MEIKIN: variants seen among roughly 807,000 people sequenced by gnomAD.
MEIKIN encodes meiosis-specific kinetochore protein.
chr5:131,885,484 G>A (rs2149631282), intron 8 of MEIKIN, among the ~76,000 whole-genome samples: 1 of 151,102 alleles, frequency 6.6e-6, no homozygotes, highest in Admixed American at 6.6e-5. Flanking sequence ...GTCTCTGCCT[G>A]GTAATCCAGA....
intron 3 of MEIKIN, 43 bp downstream of exon 3, chr5:131,944,622 C>T: frequency 2.5e-6 from 1 of 399,028 alleles, no homozygotes; most frequent in Non-Finnish European, 4.4e-6. Context: ...CTGATAGTCT[C>T]TACACTAAGT....
chr5:131,839,289 G>A, intron 11 of MEIKIN, among the ~76,000 whole-genome samples: 1 of 152,152 alleles, frequency 6.6e-6, no homozygotes, highest in Non-Finnish European at 1.5e-5. Context: ...ATCAATTTTA[G>A]AGTATGTGAC....
chr5:131,933,409 G>A (rs1437042222), intron 5 of MEIKIN, 104 bp downstream of exon 5: 2 of 383,730 alleles, frequency 5.2e-6, no homozygotes, highest in South Asian at 1.5e-4. Flanking sequence ...TGGTGAGGAA[G>A]AGGAGTATGC....
chr5:131,904,503 A>T (rs983535287), intron 8 of MEIKIN, among the ~76,000 whole-genome samples: 3 of 152,240 alleles, frequency 2.0e-5, no homozygotes, highest in African/African-American at 4.8e-5. Context: ...ATAACTGCTA[A>T]GAAAATTGCT....
chr5:131,906,978 C>T (rs1454538587), intron 8 of MEIKIN, among the ~76,000 whole-genome samples: 1 of 151,980 alleles, frequency 6.6e-6, no homozygotes, highest in Admixed American at 6.6e-5. Context: ...AATTTATCTA[C>T]ATAACAAATT....
chr5:131,808,866 AGGAGTACGAG>A (rs1318441717), intron 12 of MEIKIN, among the ~76,000 whole-genome samples: 2 of 152,148 alleles, frequency 1.3e-5, no homozygotes, highest in African/African-American at 2.4e-5. Flanking sequence ...GCTTGAGCCC[AGGAGTACGAG>A]ATCAGCCTGG....
intron 8 of MEIKIN, among the ~76,000 whole-genome samples, chr5:131,910,357 GATCT>G: frequency 6.6e-6 from 1 of 152,164 alleles, no homozygotes; most frequent in Admixed American, 6.5e-5. Context: ...TTATTTGTGG[GATCT>G]AAAACAAAAA....
At position 131,916,867 on chromosome 5, in the gene MEIKIN, T is replaced by C; in HGVS notation, c.638+19A>G. On this transcript the variant is annotated intron_variant, in intron 7 of 12. Transcript: ENST00000442687. The stretch of plus-strand genomic sequence containing the variant: ...CAGGGTTTCAGAAGCTCAACAATTT[T>C]AAAATTTTTAGTTCTTACGTTTTTC... 2.5e-6 allele frequency: 1 copy of C among 397,190 alleles called. No individual in the cohort carries two copies. The highest frequency in any genetic ancestry group is 4.4e-6 in the Non-Finnish European group (1 of 224,990). The allele number at this position is 397,190 out of a possible 1,614,324, so 24.6% of individuals were successfully genotyped here.
intron 11 of MEIKIN, among the ~76,000 whole-genome samples, chr5:131,826,980 A>T (rs1749627285): frequency 6.6e-6 from 1 of 152,202 alleles, no homozygotes. Context: ...AAAGAAGTGA[A>T]ATGGAAAAAG....
At chr5:131,850,390 A>G (rs899631697) in intron 11 of MEIKIN, among the ~76,000 whole-genome samples, 2 of 152,208 alleles carry the variant, frequency 1.3e-5, no homozygotes, top group African/African-American at 2.4e-5. Context: ...AAAATGAAAA[A>G]GAAGAACAAA....
At chr5:131,885,337 CTGAA>C (rs1441947730) in intron 8 of MEIKIN, among the ~76,000 whole-genome samples, 14 of 116,536 alleles carry the variant, frequency 1.2e-4, no homozygotes, top group South Asian at 2.9e-4. Flanking sequence ...CCACTCAGAA[CTGAA>C]AGAGAGAGAG....
rs1193470670 is a variant in MEIKIN at position 131,850,676 on chromosome 5, C to CA, written c.975+587dup. Among the ~76,000 whole-genome samples, 7 of 151,994 alleles carry CA rather than the reference C, an allele frequency of 4.6e-5. No individual in the cohort carries two copies. The East Asian group carries it at 1.4e-3, about 29-fold the overall frequency. On this transcript the variant is annotated intron_variant, in intron 11 of 12. Coordinates refer to ENST00000442687, the MANE Select transcript of MEIKIN (RefSeq NM_001303622.2). ...CTAATACTATACACAAAAATTAACT[C>CA]AAAATGGATCAATGACCTAAATACA...
chr5:131,875,655 A>G (rs1159154009), intron 9 of MEIKIN, among the ~76,000 whole-genome samples: 1 of 152,234 alleles, frequency 6.6e-6, no homozygotes, highest in African/African-American at 2.4e-5. Flanking sequence ...TTTCAAGTTC[A>G]TACGGAACCA....
intron 8 of MEIKIN, among the ~76,000 whole-genome samples, chr5:131,899,346 A>C (rs1580897740): frequency 1.3e-5 from 2 of 152,156 alleles, no homozygotes; most frequent in African/African-American, 4.8e-5. Context: ...AGATACACAA[A>C]AAATAATAAG....
chr5:131,913,976 G>A lies in MEIKIN; in HGVS notation c.639-2097C>T, dbSNP rs557564223. ...GGTCTTTAAGAGGTGACTGGATCATGAGGGCTCTGCCTTCATAAATGGATT... is the reference window on the plus strand; with the variant it reads ...GGTCTTTAAGAGGTGACTGGATCATAAGGGCTCTGCCTTCATAAATGGATT... On this transcript the variant is annotated intron_variant, in intron 7 of 12. Transcript: ENST00000442687. Among the ~76,000 whole-genome samples the A allele has an allele frequency of 3.2e-4, 48 of 152,322 alleles. No homozygotes were observed. In the South Asian group the frequency reaches 9.7e-3, roughly 31 times the overall value.
intron 9 of MEIKIN, among the ~76,000 whole-genome samples, chr5:131,860,075 C>A (rs1274762628): frequency 6.6e-6 from 1 of 151,978 alleles, no homozygotes; most frequent in African/African-American, 2.4e-5. Context: ...GTTGTTTTTT[C>A]TAGTTCTGTG....
chr5:131,911,358 G>A (rs1391921127), intron 8 of MEIKIN, among the ~76,000 whole-genome samples: 1 of 151,968 alleles, frequency 6.6e-6, no homozygotes, highest in Non-Finnish European at 1.5e-5. Flanking sequence ...ATGAGATACA[G>A]CAGAGGTTAA....
At chr5:131,831,497 C>T (rs771970918) in intron 11 of MEIKIN, among the ~76,000 whole-genome samples, 16 of 152,182 alleles carry the variant, frequency 1.1e-4, no homozygotes, top group Non-Finnish European at 1.6e-4. Context: ...TTTGAGATTA[C>T]AGTGAACTAT....
At chr5:131,818,622 C>T (rs1773144168) in intron 12 of MEIKIN, 118 bp downstream of exon 12, 1 of 369,650 alleles carries the variant, frequency 2.7e-6, no homozygotes, top group Non-Finnish European at 4.8e-6. Context: ...TTTCCACTTT[C>T]TGCAAGAACT....
Sources: allele counts gnomAD v4.1 joint callset (sites outside exome capture counted in the v4.1 genomes callset), GRCh38; gene constraint gnomAD v4.1.1; transcripts MANE v1.5; gene names NCBI Gene and HGNC (gene_info 2026-07-23, HGNC 2026-07-21).